EDA: variants seen among roughly 807,000 people sequenced by gnomAD.
The protein encoded by EDA is ectodysplasin-A.
Under a neutral mutation model 23.6 loss-of-function variants are expected in EDA, and 2 were observed. The observed-to-expected ratio is 0.08, with a 90% CI of 0.03 to 0.27. The LOEUF is 0.27. Ranked by LOEUF, EDA falls within the 10% of genes least tolerant of loss-of-function variation. The pLI is 1.00. For synonymous variants in EDA, 131 were observed against 132.0 expected, an observed-to-expected ratio of 0.99 and a Z score of 0.05; for missense variants, 229 against 324.2, an observed-to-expected ratio of 0.71 and a Z score of 2.26.
At position 69,987,498 on chromosome X, in the gene EDA, T is replaced by C. The variant is rs190151204; in HGVS notation, c.502+30366T>C. On this transcript the variant is annotated intron_variant, in intron 2 of 7. Transcript: ENST00000374552. ...GGAACTTGAAGAACAAGTGGTCAGC[T>C]CCCTGGGTTTCCTTTTTGCCTCTCA... Among the ~76,000 whole-genome samples the C allele has an allele frequency of 4.0e-4, 43 of 108,512 alleles. 1 individual carries two copies. The highest frequency in any genetic ancestry group is 1.3e-3 in the African/African-American group (39 of 29,774). The allele number at this position is 108,512 out of a possible 115,157, so 94.2% of individuals were successfully genotyped here.
intron 1 of EDA, among the ~76,000 whole-genome samples, chrX:69,888,589 T>C (rs1176102187): frequency 9.4e-6 from 1 of 106,920 alleles, no homozygotes; most frequent in Admixed American, 1.0e-4. Context: ...ATATTGAAAG[T>C]GAATAGATGA....
intron 1 of EDA, among the ~76,000 whole-genome samples, chrX:69,848,974 T>G (rs2017062507): frequency 9.1e-6 from 1 of 109,859 alleles, no homozygotes; most frequent in Admixed American, 9.9e-5. Flanking sequence ...CATCTATTAT[T>G]TAAATGTTAA....
intron 1 of EDA, among the ~76,000 whole-genome samples, chrX:69,940,370 G>C (rs760816338): frequency 9.1e-6 from 1 of 110,334 alleles, no homozygotes; most frequent in African/African-American, 3.3e-5. Context: ...TCAATTTATT[G>C]GCATACAGTT....
intron 1 of EDA, among the ~76,000 whole-genome samples, chrX:69,847,324 A>G (rs756829505): frequency 2.5e-4 from 28 of 111,548 alleles, no homozygotes; most frequent in African/African-American, 8.1e-4. Context: ...GTAAATTAGC[A>G]TACAGTAAAA....
chrX:70,012,145 G>A (rs1001486628), intron 2 of EDA, among the ~76,000 whole-genome samples: 1 of 111,654 alleles, frequency 9.0e-6, no homozygotes, highest in Non-Finnish European at 1.9e-5. Flanking sequence ...TCTGATGCAG[G>A]TGGGTTTTGT....
chrX:69,905,718 G>T (rs2018168299), intron 1 of EDA, among the ~76,000 whole-genome samples: 1 of 111,441 alleles, frequency 9.0e-6, no homozygotes, highest in Non-Finnish European at 1.9e-5. Context: ...ACCCGTCTTT[G>T]CCTGGATCAC....
chrX:69,991,037 AT>A (rs1424642129), intron 2 of EDA, among the ~76,000 whole-genome samples: 1 of 110,301 alleles, frequency 9.1e-6, no homozygotes, highest in Non-Finnish European at 1.9e-5. Flanking sequence ...TTCTATTTTT[AT>A]TTTTTTAACT....
chrX:69,761,412 A>T (rs1353146169), intron 1 of EDA, among the ~76,000 whole-genome samples: 1 of 111,996 alleles, frequency 8.9e-6, no homozygotes, highest in Non-Finnish European at 1.9e-5. Flanking sequence ...ACTTTTACAT[A>T]CAGTATCTTA....
intron 3 of EDA, among the ~76,000 whole-genome samples, chrX:70,026,839 C>A (rs185739329): frequency 4.2e-4 from 46 of 110,238 alleles, no homozygotes; most frequent in Non-Finnish European, 5.9e-4. Context: ...TTCTCAATAT[C>A]TCTCTCTCTC....
At chrX:69,853,500 C>G (rs1011185558) in intron 1 of EDA, among the ~76,000 whole-genome samples, 2 of 111,347 alleles carry the variant, frequency 1.8e-5, no homozygotes, top group African/African-American at 6.5e-5. Flanking sequence ...GAAATTTTCC[C>G]AAAATTGATG....
chrX:69,638,810 G>C (rs757644863), intron 1 of EDA, among the ~76,000 whole-genome samples: 2 of 111,323 alleles, frequency 1.8e-5, no homozygotes, highest in South Asian at 3.8e-4. Context: ...GTCATTTTTA[G>C]GTGTACCGTT....
intron 1 of EDA, among the ~76,000 whole-genome samples, chrX:69,884,410 A>G (rs140450923): frequency 0.06 from 6,715 of 112,160 alleles, 205 homozygotes; most frequent in Middle Eastern, 0.092. Flanking sequence ...TGATGGTTGC[A>G]CAACTTAGTG....
At chrX:69,994,334 A>T (rs2019627754) in intron 2 of EDA, among the ~76,000 whole-genome samples, 1 of 112,108 alleles carries the variant, frequency 8.9e-6, no homozygotes, top group Admixed American at 9.5e-5. Context: ...TTGTAAAATA[A>T]TGTGCAAAGG....
chrX:70,020,731 A>T (rs2020022010), intron 2 of EDA, among the ~76,000 whole-genome samples: 1 of 112,179 alleles, frequency 8.9e-6, no homozygotes, highest in Admixed American at 9.4e-5. Flanking sequence ...CAATCTAAAT[A>T]TTTATCAAAG....
chrX:69,708,335 A>T (rs1201335854), intron 1 of EDA, among the ~76,000 whole-genome samples: 2 of 111,485 alleles, frequency 1.8e-5, no homozygotes. Context: ...CCTGCAGTTG[A>T]CCGAAGCTTG....
At chrX:69,732,348 G>A (rs886553802) in intron 1 of EDA, among the ~76,000 whole-genome samples, 1 of 111,747 alleles carries the variant, frequency 8.9e-6, no homozygotes, top group Non-Finnish European at 1.9e-5. Context: ...AGTACATGCA[G>A]TGTTTAGTTT....
At chrX:69,669,036 T>A (rs953900454) in intron 1 of EDA, among the ~76,000 whole-genome samples, 3 of 112,331 alleles carry the variant, frequency 2.7e-5, no homozygotes, top group Non-Finnish European at 5.6e-5. Context: ...CTGTGTTTCT[T>A]GTAAAAATTT....
At chrX:69,749,330 G>T (rs1315609262) in intron 1 of EDA, among the ~76,000 whole-genome samples, 1 of 89,702 alleles carries the variant, frequency 1.1e-5, no homozygotes, top group African/African-American at 4.1e-5. Context: ...TCTTAATCCA[G>T]TCTATCATTG....
At position 69,781,835 on chromosome X, in the gene EDA, T is replaced by C. The variant is rs1371462160; in HGVS notation, c.396+165131T>C. Among the ~76,000 whole-genome samples the C allele has an allele frequency of 6.3e-5, 7 of 111,214 alleles. No individual in the cohort carries two copies. The East Asian group carries it at 2.0e-3, about 31-fold the overall frequency. On this transcript the variant is annotated intron_variant, in intron 1 of 7. Coordinates refer to ENST00000374552, the MANE Select transcript of EDA (RefSeq NM_001399.5). ...TGTCATAATTTGTCATCAAAAGCAT[T>C]ATAACAAATTATAAAAATACTAGAA...
Sources: gnomAD v4.1 joint callset for allele counts (sites outside exome capture counted in the v4.1 genomes callset) on GRCh38, gnomAD v4.1.1 for gene constraint, MANE v1.5 for transcripts, NCBI Gene and HGNC (gene_info 2026-07-23, HGNC 2026-07-21) for gene names.